MYH7B: variants seen among roughly 807,000 people sequenced by gnomAD.
MYH7B encodes the protein myosin heavy chain 7B.
Under a neutral mutation model 234.5 loss-of-function variants are expected in MYH7B, and 205 were observed. The observed-to-expected ratio is 0.87, with a 90% confidence interval of 0.78 to 0.98. MYH7B has a LOEUF of 0.98. MYH7B is among the 50% of genes least tolerant of loss of function. MYH7B has a pLI of 0.00. For synonymous variants in MYH7B, 1,193 were observed against 1,105.0 expected (o/e 1.08, Z -1.58); for missense variants, 2,652 against 2,633.4 (o/e 1.01, Z -0.15).
At chr20:34,994,386 C>T (rs1022093378) in exon 27 of MYH7B, 3 of 1,583,164 alleles carry the variant, frequency 1.9e-6, no homozygotes, top group Non-Finnish European at 2.6e-6. Flanking sequence ...ATGACCTGGC[C>T]CTGCAGCTGC....
rs368764106 is a variant in MYH7B, at chr20:34,996,657, G to A, written c.3165G>A (p.Thr1055=). ...AGGAGAAGAAGCTGCGCATGGACAC[G>A]GAGCGGGCCAAGCGCAAGCTGGAGG... is the stretch of plus-strand genomic sequence containing the variant. Residue 1055 remains threonine, a synonymous_variant, in exon 30 of 45, where the codon ACG becomes ACA. Coordinates refer to ENST00000262873, the Ensembl canonical transcript of MYH7B. 57 of 1,613,306 alleles carry A rather than the reference G, an allele frequency of 3.5e-5. No individual in the cohort carries two copies. The African/African-American group carries it at 6.1e-4, about 17-fold the overall frequency.
At chr20:34,998,805 C>G in exon 35 of MYH7B, 2 of 1,613,154 alleles carry the variant, frequency 1.2e-6, no homozygotes, top group Non-Finnish European at 1.7e-6. Flanking sequence ...AGGCTGAGGC[C>G]CAGGCTGAGC....
chr20:34,975,641 A>T (rs2081842909), intron 3 of MYH7B, 142 bp downstream of exon 3: 2 of 602,566 alleles, frequency 3.3e-6, no homozygotes. Flanking sequence ...GTCATTTCCT[A>T]ATGGAGACAC....
chr20:34,966,177 G>A (rs561512403), intron 2 of MYH7B, among the ~76,000 whole-genome samples: 5 of 152,346 alleles, frequency 3.3e-5, no homozygotes, highest in African/African-American at 1.2e-4. Context: ...GAGGGTGGGT[G>A]GCCTCAGCCA....
chr20:34,987,384 T>C, intron 16 of MYH7B, 97 bp downstream of exon 16: 3 of 1,531,062 alleles, frequency 2.0e-6, no homozygotes, highest in Non-Finnish European at 2.7e-6. Context: ...TTAACCTCAG[T>C]CTTACCTGGC....
chr20:34,999,225 C>A (rs750330214), exon 36 of MYH7B: 1 of 1,610,764 alleles, frequency 6.2e-7, no homozygotes, highest in Non-Finnish European at 8.5e-7. Context: ...CAAGAAGCAG[C>A]GGCACTTGGA....
chr20:34,996,292 G>A, intron 28 of MYH7B, 54 bp from the exon 29 acceptor site: 3 of 1,537,304 alleles, frequency 2.0e-6, no homozygotes, highest in Non-Finnish European at 1.8e-6. Flanking sequence ...TGGTGTGGTG[G>A]CCGCTCAGAG....
intron 32 of MYH7B, 118 bp from the exon 33 acceptor site, chr20:34,998,177 T>C: frequency 7.9e-7 from 1 of 1,263,264 alleles, no homozygotes; most frequent in South Asian, 1.4e-5. Context: ...CTGCTCTCCC[T>C]TTGATTCCTG....
intron 2 of MYH7B, among the ~76,000 whole-genome samples, chr20:34,963,043 A>G (rs1300856484): frequency 1.3e-5 from 2 of 152,252 alleles, no homozygotes; most frequent in African/African-American, 4.8e-5. Flanking sequence ...GGTTACAGTG[A>G]GCTGAGATCG....
At chr20:34,974,248 T>A (rs533737010) in intron 2 of MYH7B, among the ~76,000 whole-genome samples, 2 of 148,712 alleles carry the variant, frequency 1.3e-5, no homozygotes, top group Admixed American at 6.7e-5. Context: ...TTTTTTTTTT[T>A]AAGTAGAAAC....
At position 34,998,922 on chromosome 20, in the gene MYH7B, G is replaced by A. The variant is rs370216109; in HGVS notation, c.4190+7G>A. 1.6e-4 allele frequency: 264 copies of A among 1,609,932 alleles called. No homozygotes were observed. The African/African-American group carries it at 3.0e-3, about 18-fold the overall frequency. On this transcript the variant is annotated splice_region_variant and intron_variant, in intron 35 of 44. Transcript: ENST00000262873. ...AGGAGCTGGAGGAGGCCAAGTGAGTGCTTTGCTGGCCAGGCCACTGCCATG... is the reference window on the plus strand; with the variant it reads ...AGGAGCTGGAGGAGGCCAAGTGAGTACTTTGCTGGCCAGGCCACTGCCATG...
Position 34,992,341 on chromosome 20 carries a change from G to A in MYH7B, c.2184-761G>A, listed in dbSNP as rs8121403. 5.4e-5 allele frequency among the ~76,000 whole-genome samples: 8 copies of A among 146,900 alleles called. No homozygotes were observed. In the East Asian group the frequency reaches 1.2e-3, roughly 23 times the overall value. ...GCAGAGCTTGCAGTGAGCAGAGATC[G>A]TGCCACTGCACTCCAGCCTGGGCGA... On this transcript the variant is annotated intron_variant, in intron 24 of 44. Coordinates refer to ENST00000262873, the Ensembl canonical transcript of MYH7B.
chr20:34,979,934 A>G lies in MYH7B; in HGVS notation c.342+130A>G, dbSNP rs2081917662. ...GCGGTGGATCGGGGCTGTGAATGATAGAGCGGGTCCATAGCGGGGGTGGGG... is the reference window on the plus strand; with the variant it reads ...GCGGTGGATCGGGGCTGTGAATGATGGAGCGGGTCCATAGCGGGGGTGGGG... On this transcript the variant is annotated intron_variant, in intron 7 of 44. Transcript: ENST00000262873. 13 of 927,426 alleles carry G rather than the reference A, an allele frequency of 1.4e-5. No homozygotes were observed. In the Admixed American group the frequency reaches 2.1e-4, roughly 15 times the overall value. The allele number at this position is 927,426 out of a possible 1,614,324, so 57.4% of individuals were successfully genotyped here. A position where few individuals can be genotyped will look rare whatever the true frequency, so the allele number is the denominator to read the frequency against.
chr20:34,964,951 G>A (rs188511471), intron 2 of MYH7B, among the ~76,000 whole-genome samples: 1 of 152,044 alleles, frequency 6.6e-6, no homozygotes, highest in Admixed American at 6.5e-5. Context: ...GAATAGTAAT[G>A]ATTATATGTT....
At chr20:35,000,373 T>C (rs1330925498) in exon 39 of MYH7B, 1 of 1,599,038 alleles carries the variant, frequency 6.3e-7, no homozygotes, top group Non-Finnish European at 8.5e-7. Flanking sequence ...GCGCTGCGGC[T>C]CAAGAAGAAG....
At chr20:34,981,346 C>T in intron 9 of MYH7B, 1 of 393,416 alleles carries the variant, frequency 2.5e-6, no homozygotes, top group South Asian at 3.9e-5. Flanking sequence ...CACCTTGATC[C>T]TCTGGGGTTC....
At chr20:35,002,220 G>C in exon 45 of MYH7B, 1 of 1,506,456 alleles carries the variant, frequency 6.6e-7, no homozygotes, top group Non-Finnish European at 8.8e-7. Flanking sequence ...AAAGAGGAAT[G>C]TCTGCTGTTG....
exon 30 of MYH7B, chr20:34,996,731 A>G (rs2082267232): frequency 6.2e-7 from 1 of 1,612,832 alleles, no homozygotes; most frequent in Admixed American, 1.7e-5. Flanking sequence ...GCTCAAGACA[A>G]GCAGCAGCTG....
At chr20:34,972,403 CT>C (rs746780948) in intron 2 of MYH7B, among the ~76,000 whole-genome samples, 6 of 152,042 alleles carry the variant, frequency 3.9e-5, no homozygotes, top group Non-Finnish European at 7.4e-5. Context: ...CTGGTCTCAC[CT>C]TCAGTATCGC....
Sources: gnomAD v4.1 joint callset for allele counts (sites outside exome capture counted in the v4.1 genomes callset) on GRCh38, gnomAD v4.1.1 for gene constraint, MANE v1.5 for transcripts, NCBI Gene and HGNC (gene_info 2026-07-23, HGNC 2026-07-21) for gene names.